The following PPM1L variants were observed in gnomAD, a reference collection of about 807,000 sequenced individuals.
PPM1L encodes protein phosphatase, Mg2+/Mn2+ dependent 1L.
In PPM1L, 13 loss-of-function variants were observed where a neutral mutation model predicts 31.4. The ratio of observed to expected loss-of-function variants is 0.41; its 90% confidence interval spans 0.27 to 0.66. PPM1L has a LOEUF of 0.66. PPM1L is among the 30% of genes least tolerant of loss of function. The probability of loss-of-function intolerance (pLI) is 0.29; values close to 1 mark genes in which losing one functional copy is unlikely to be tolerated. For synonymous variants in PPM1L, 184 were observed against 175.4 expected (o/e 1.05, Z -0.39); for missense variants, 326 against 453.7 (o/e 0.72, Z 2.56).
At chr3:161,059,069 C>T (rs527563903) in intron 2 of PPM1L, among the ~76,000 whole-genome samples, 2 of 152,290 alleles carry the variant, frequency 1.3e-5, no homozygotes, top group East Asian at 3.9e-4. Context: ...ATTTGTGTGT[C>T]TTCCCTAAGG....
chr3:160,814,205 A>G (rs980813090), intron 1 of PPM1L, among the ~76,000 whole-genome samples: 1 of 152,068 alleles, frequency 6.6e-6, no homozygotes, highest in East Asian at 1.9e-4. Flanking sequence ...CTACAGAGCT[A>G]TGTCTTCATG....
At chr3:160,803,183 C>T (rs1712486533) in intron 1 of PPM1L, among the ~76,000 whole-genome samples, 1 of 152,314 alleles carries the variant, frequency 6.6e-6, no homozygotes, top group Admixed American at 6.5e-5. Context: ...GATGTTCTCC[C>T]CTCCCCCGAA....
At position 160,879,902 on chromosome 3, in the gene PPM1L, G is replaced by A. The variant is rs149624985; in HGVS notation, c.400-81834G>A. ...CTCCTGTAGGAGACCAGAGACTAGA[G>A]AGGTCTGCAGTATGATTGCCGTGTG... On this transcript the variant is annotated intron_variant, in intron 1 of 3. Coordinates refer to ENST00000498165, the MANE Select transcript of PPM1L (RefSeq NM_139245.4). 3.5e-3 allele frequency among the ~76,000 whole-genome samples: 529 copies of A among 152,278 alleles called. 2 individuals carry two copies. The highest frequency in any genetic ancestry group is 0.012 in the African/African-American group (511 of 41,544).
intron 1 of PPM1L, among the ~76,000 whole-genome samples, chr3:160,883,220 A>G (rs1384648253): frequency 2.6e-5 from 4 of 152,192 alleles, no homozygotes; most frequent in Admixed American, 2.6e-4. Flanking sequence ...TGCATGTATT[A>G]TATTGCTGTT....
intron 1 of PPM1L, among the ~76,000 whole-genome samples, chr3:160,918,916 T>G (rs927849202): frequency 6.6e-6 from 1 of 152,140 alleles, no homozygotes; most frequent in African/African-American, 2.4e-5. Context: ...AAAAATGCCA[T>G]GTTGAAGTTA....
chr3:160,850,034 C>T (rs2079166811), intron 1 of PPM1L, among the ~76,000 whole-genome samples: 1 of 152,174 alleles, frequency 6.6e-6, no homozygotes, highest in South Asian at 2.1e-4. Context: ...GTTAAGGGCT[C>T]AGTCCCACAA....
At chr3:161,022,799 G>A (rs1488293647) in intron 2 of PPM1L, among the ~76,000 whole-genome samples, 2 of 151,748 alleles carry the variant, frequency 1.3e-5, no homozygotes, top group Non-Finnish European at 2.9e-5. Flanking sequence ...GAGTAGCTGG[G>A]ACTACAGGCA....
At chr3:160,774,414 C>G (rs751616787) in intron 1 of PPM1L, among the ~76,000 whole-genome samples, 1 of 152,162 alleles carries the variant, frequency 6.6e-6, no homozygotes, top group Admixed American at 6.5e-5. Context: ...TCTGGCATCT[C>G]TCTTCTTCAA....
rs1491444648 is a variant in PPM1L at position 160,970,445 on chromosome 3, A to ATTTTTTTTTTTTTTTTTTTTTTTTTTTTT, written c.574+8536_574+8537insTTTTTTTTTTTTTTTTTTTTTTTTTTTTT. On this transcript the variant is annotated intron_variant, in intron 2 of 3. Coordinates refer to ENST00000498165, the MANE Select transcript of PPM1L (RefSeq NM_139245.4). ...TTATCAATCTTTTTAACCAAGCTGA[A>ATTTTTTTTTTTTTTTTTTTTTTTTTTTTT]TATTTTTTTTTTTTTTTTTTTTGAG... Among the ~76,000 whole-genome samples the ATTTTTTTTTTTTTTTTTTTTTTTTTTTTT allele has an allele frequency of 6.0e-5, 2 of 33,462 alleles. 1 individual carries two copies. 22.0% of individuals were successfully genotyped at this position (33,462 alleles called of 152,430 possible). A position where few individuals can be genotyped will look rare whatever the true frequency, so the allele number is the denominator to read the frequency against.
chr3:160,843,663 G>A (rs1713979411), intron 1 of PPM1L, among the ~76,000 whole-genome samples: 1 of 151,114 alleles, frequency 6.6e-6, no homozygotes, highest in Admixed American at 6.6e-5. Context: ...TCCCCTTCCT[G>A]TGTCCAAGTG....
chr3:160,796,596 A>G (rs945397130), intron 1 of PPM1L, among the ~76,000 whole-genome samples: 3 of 152,176 alleles, frequency 2.0e-5, no homozygotes, highest in Non-Finnish European at 4.4e-5. Flanking sequence ...ATCTTTGGCT[A>G]TCTCAGCTGT....
intron 1 of PPM1L, among the ~76,000 whole-genome samples, chr3:160,757,392 G>C (rs186006312): frequency 6.6e-6 from 1 of 152,386 alleles, no homozygotes; most frequent in African/African-American, 2.4e-5. Flanking sequence ...CGCAAAGGAG[G>C]CGGTGCTTTG....
At chr3:160,894,749 T>G (rs1462041967) in intron 1 of PPM1L, among the ~76,000 whole-genome samples, 1 of 152,218 alleles carries the variant, frequency 6.6e-6, no homozygotes, top group African/African-American at 2.4e-5. Flanking sequence ...TTGCCCATTT[T>G]GGTTGGTGTA....
intron 1 of PPM1L, among the ~76,000 whole-genome samples, chr3:160,916,961 C>T (rs189495828): frequency 1.3e-5 from 2 of 152,314 alleles, no homozygotes; most frequent in African/African-American, 4.8e-5. Context: ...AACACTTGCT[C>T]ATCAGCTATT....
chr3:160,864,319 G>T (rs1712010276), intron 1 of PPM1L, among the ~76,000 whole-genome samples: 1 of 152,084 alleles, frequency 6.6e-6, no homozygotes, highest in Non-Finnish European at 1.5e-5. Flanking sequence ...CTGAGTAGCT[G>T]GGACTTATAG....
intron 1 of PPM1L, among the ~76,000 whole-genome samples, chr3:160,833,384 A>G (rs1247184705): frequency 6.6e-6 from 1 of 152,220 alleles, no homozygotes; most frequent in Non-Finnish European, 1.5e-5. Context: ...GAACTAATTT[A>G]CATTCCCACC....
At chr3:160,842,269 C>G in intron 1 of PPM1L, 1 of 702,470 alleles carries the variant, frequency 1.4e-6, no homozygotes, top group East Asian at 2.7e-5. Flanking sequence ...AGGGCTAGAC[C>G]AGAACATGCC....
intron 3 of PPM1L, among the ~76,000 whole-genome samples, chr3:161,066,207 T>C (rs1719735474): frequency 6.6e-6 from 1 of 152,190 alleles, no homozygotes; most frequent in Non-Finnish European, 1.5e-5. Context: ...GTGCCTGGTA[T>C]AAGTAAATAT....
At chr3:161,004,013 C>T (rs1309895791) in intron 2 of PPM1L, among the ~76,000 whole-genome samples, 3 of 147,892 alleles carry the variant, frequency 2.0e-5, no homozygotes, top group Non-Finnish European at 3.0e-5. Context: ...AGATACGTCC[C>T]ATCAATACCT....
Sources: gnomAD v4.1 joint callset for allele counts (sites outside exome capture counted in the v4.1 genomes callset) on GRCh38, gnomAD v4.1.1 for gene constraint, MANE v1.5 for transcripts, NCBI Gene and HGNC (gene_info 2026-07-23, HGNC 2026-07-21) for gene names.